SLA2: variants seen among roughly 807,000 people sequenced by gnomAD.
The protein encoded by SLA2 is src-like-adapter 2.
Under a neutral mutation model 27.3 loss-of-function variants are expected in SLA2, and 22 were observed. The ratio of observed to expected loss-of-function variants is 0.81; its 90% CI spans 0.58 to 1.15. The LOEUF (loss-of-function observed/expected upper bound fraction) is 1.15. Among genes scored for constraint, SLA2 ranks in the 50% most tolerant of loss-of-function variants. The pLI, the probability that SLA2 is intolerant of heterozygous loss-of-function variation, is 0.00. For synonymous variants in SLA2, 131 were observed against 137.8 expected, an observed-to-expected ratio of 0.95 and a Z score of 0.34; for missense variants, 304 against 322.2, an observed-to-expected ratio of 0.94 and a Z score of 0.43.
chr20:36,627,709 GC>G (rs2039353689), intron 5 of SLA2, among the ~76,000 whole-genome samples: 1 of 152,188 alleles, frequency 6.6e-6, no homozygotes. Context: ...AAGCTTCTAG[GC>G]CCCCTTCACG....
intron 5 of SLA2, among the ~76,000 whole-genome samples, chr20:36,616,070 A>G (rs1339131952): frequency 1.3e-5 from 2 of 152,202 alleles, no homozygotes; most frequent in Non-Finnish European, 2.9e-5. Context: ...TTAAAGTTCA[A>G]AGATAGCCAA....
At chr20:36,634,785 CAGAGAGAG>C (rs113633781) in intron 2 of SLA2, among the ~76,000 whole-genome samples, 196 bp from the exon 3 acceptor site, 6 of 147,076 alleles carry the variant, frequency 4.1e-5, no homozygotes, top group Non-Finnish European at 6.0e-5. Flanking sequence ...TGACAGTGCC[CAGAGAGAG>C]AGAGAGAGAG....
chr20:36,636,241 C>T (rs1338480843), intron 2 of SLA2, among the ~76,000 whole-genome samples: 3 of 148,536 alleles, frequency 2.0e-5, no homozygotes, highest in Non-Finnish European at 4.4e-5. Context: ...CAAGGTGAAA[C>T]CCCGTCTCTA....
rs562241320 is a variant in SLA2, at chr20:36,632,646, G to A, written c.331C>T (p.Pro111Ser). 2.9e-5 allele frequency: 47 copies of A among 1,614,176 alleles called. No homozygotes were observed. Among genetic ancestry groups the A allele is most frequent in the Non-Finnish European group, 3.6e-5 (43 of 1,180,014 alleles). ...AGGAAGGCCCCTCCAGGGTTCCCAG[G>A]TAACAACAGCAGTTCCTCTGCTTTC... ...REKAEELLLL[P>S]GNPGGAFLIR... Residue 111 changes from proline (P) to serine (S), a missense_variant, in exon 5 of 8, where the codon CCT becomes TCT. Physicochemically the swap from Pro to Ser is moderately conservative, Grantham distance 74. Transcript: ENST00000262866.
chr20:36,641,120 G>A, intron 2 of SLA2, 125 bp downstream of exon 2: 1 of 754,816 alleles, frequency 1.3e-6, no homozygotes, highest in Non-Finnish European at 2.3e-6. Flanking sequence ...GGCAGGGCCT[G>A]GTATGCAGCA....
chr20:36,625,629 C>T (rs13041104), intron 5 of SLA2, among the ~76,000 whole-genome samples: 3 of 151,900 alleles, frequency 2.0e-5, no homozygotes, highest in South Asian at 2.1e-4. Flanking sequence ...CCCAGGAGTT[C>T]GAGACCAGCC....
Position 36,622,303 on chromosome 20 carries a change from G to A in SLA2, c.383-6929C>T, listed in dbSNP as rs1568603215. On this transcript the variant is annotated intron_variant, in intron 5 of 7. Coordinates refer to ENST00000262866, the MANE Select transcript of SLA2 (RefSeq NM_032214.4). ...GAGGCAGGAGTATCTCTTGAACCCG[G>A]GAAGCAGAGGTTGTGGTGACTCAGC... 4.0e-5 allele frequency among the ~76,000 whole-genome samples: 6 copies of A among 151,128 alleles called. No homozygotes were observed. In the South Asian group the frequency reaches 1.3e-3, roughly 32 times the overall value.
chr20:36,636,626 ATATATATAT>A (rs2039452667), intron 2 of SLA2, among the ~76,000 whole-genome samples: 1 of 115,668 alleles, frequency 8.6e-6, no homozygotes, highest in Non-Finnish European at 1.7e-5. Flanking sequence ...AAAAAAAAAT[ATATATATAT>A]ATATATATAT....
At chr20:36,644,899 C>G (rs1978286649) in intron 1 of SLA2, among the ~76,000 whole-genome samples, 1 of 134,780 alleles carries the variant, frequency 7.4e-6, no homozygotes, top group Admixed American at 8.1e-5. Context: ...TTCAGTATCT[C>G]ACTTGGGTCC....
chr20:36,629,903 C>T (rs1411028170), intron 5 of SLA2, among the ~76,000 whole-genome samples: 2 of 151,636 alleles, frequency 1.3e-5, no homozygotes, highest in South Asian at 2.1e-4. Context: ...TGCCACTTCA[C>T]GCCAGCCTGG....
rs971885051 is a variant in SLA2 at position 36,612,770 on chromosome 20, A to G, written c.*1096T>C. 5 of 183,862 alleles carry G rather than the reference A, an allele frequency of 2.7e-5. No individual in the cohort carries two copies. Among genetic ancestry groups the G allele is most frequent in the Admixed American group, 1.6e-4 (3 of 18,770 alleles). 11.4% of individuals were successfully genotyped at this position (183,862 alleles called of 1,614,324 possible). A position where few individuals can be genotyped will look rare whatever the true frequency, so the allele number is the denominator to read the frequency against. On this transcript the variant is annotated 3_prime_UTR_variant, in exon 8 of 8. Transcript: ENST00000262866. ...TGTGGTCTCCGTCTTGGCATTGTGG[A>G]GAGAGGGCTTAGCACCTTCTGATGC...
At chr20:36,638,678 C>T (rs942274719) in intron 2 of SLA2, among the ~76,000 whole-genome samples, 4 of 152,076 alleles carry the variant, frequency 2.6e-5, no homozygotes, top group Non-Finnish European at 4.4e-5. Context: ...GCACAACAGC[C>T]ATATAAGGCA....
At chr20:36,620,933 T>C (rs2039275645) in intron 5 of SLA2, 1 of 315,068 alleles carries the variant, frequency 3.2e-6, no homozygotes, top group Non-Finnish European at 6.3e-6. Context: ...ATAACAGAGG[T>C]AGCCTGCTGG....
At chr20:36,621,218 G>C (rs968840337) in intron 5 of SLA2, 11 of 518,852 alleles carry the variant, frequency 2.1e-5, no homozygotes, top group African/African-American at 1.6e-4. Context: ...GGATATGATG[G>C]TTACAATGAA....
intron 5 of SLA2, among the ~76,000 whole-genome samples, chr20:36,626,424 C>G (rs141164872): frequency 6.6e-6 from 1 of 151,116 alleles, no homozygotes; most frequent in Non-Finnish European, 1.5e-5. Flanking sequence ...ATTCGCAGGG[C>G]GTGGAAGCAT....
At chr20:36,636,477 C>G (rs911719016) in intron 2 of SLA2, among the ~76,000 whole-genome samples, 2 of 148,008 alleles carry the variant, frequency 1.4e-5, no homozygotes, top group Non-Finnish European at 3.0e-5. Flanking sequence ...TGGTGGTGCA[C>G]GCCTGTAGTC....
chr20:36,633,325 ACCT>A (rs2039411247), intron 4 of SLA2, among the ~76,000 whole-genome samples: 1 of 151,652 alleles, frequency 6.6e-6, no homozygotes, highest in South Asian at 2.1e-4. Flanking sequence ...AGAGCTCCAC[ACCT>A]CCTCTGTGGG....
At chr20:36,638,101 C>T (rs989871002) in intron 2 of SLA2, among the ~76,000 whole-genome samples, 12 of 151,670 alleles carry the variant, frequency 7.9e-5, no homozygotes, top group Admixed American at 4.6e-4. Flanking sequence ...CTATGTTGGT[C>T]AGGTTGGTCT....
In SLA2 at chr20:36,612,322, C is replaced by A; in HGVS notation, c.*1544G>T. ...ACCATCAAGTAACAGCTATTATTTG[C>A]CAAGTGGAGCTGTCATTTAATTTGA... On this transcript the variant is annotated 3_prime_UTR_variant, in exon 8 of 8. Coordinates refer to ENST00000262866, the MANE Select transcript of SLA2 (RefSeq NM_032214.4). 9.1e-7 allele frequency: 1 copy of A among 1,102,844 alleles called. No individual in the cohort carries two copies. Among genetic ancestry groups the A allele is most frequent in the Non-Finnish European group, 1.4e-6 (1 of 728,944 alleles). The allele number at this position is 1,102,844 out of a possible 1,614,324, so 68.3% of individuals were successfully genotyped here.
Sources: gnomAD v4.1 joint callset for allele counts (sites outside exome capture counted in the v4.1 genomes callset) on GRCh38, gnomAD v4.1.1 for gene constraint, MANE v1.5 for transcripts, NCBI Gene and HGNC (gene_info 2026-07-23, HGNC 2026-07-21) for gene names.